PXDN: variants seen among roughly 807,000 people sequenced by gnomAD.
PXDN encodes the protein peroxidasin homolog.
A neutral mutation model predicts 140.3 loss-of-function variants in PXDN; 77 were observed. The observed-to-expected ratio is 0.55, with a 90% CI of 0.46 to 0.66. The LOEUF is 0.66. Among genes scored for constraint, PXDN ranks in the 30% least tolerant of loss-of-function variants. PXDN has a pLI of 0.00. For missense variants in PXDN, 1,838 were observed against 2,039.5 expected, an observed-to-expected ratio of 0.90 and a Z score of 1.90; for synonymous variants, 911 against 857.4, an observed-to-expected ratio of 1.06 and a Z score of -1.09.
intron 7 of PXDN, among the ~76,000 whole-genome samples, chr2:1,678,617 C>G (rs922940903): frequency 1.3e-5 from 2 of 152,206 alleles, no homozygotes; most frequent in Non-Finnish European, 2.9e-5. Context: ...CCCATAGGAG[C>G]ATCAGCGAAA....
At chr2:1,653,044 CAAT>C (rs1683050401) in intron 16 of PXDN, 1 of 191,984 alleles carries the variant, frequency 5.2e-6, no homozygotes, top group Non-Finnish European at 1.1e-5. Context: ...ATGGGTTCAT[CAAT>C]AGTACTACTA....
chr2:1,711,755 TC>T (rs1684792928), intron 1 of PXDN, among the ~76,000 whole-genome samples: 1 of 152,230 alleles, frequency 6.6e-6, no homozygotes, highest in Non-Finnish European at 1.5e-5. Flanking sequence ...GTGGAGGCTC[TC>T]TGGTGGTGAT....
chr2:1,660,725 A>G lies in PXDN; in HGVS notation c.1837+156T>C, dbSNP rs143573706. Among the ~76,000 whole-genome samples the G allele has an allele frequency of 4.6e-5, 7 of 152,284 alleles. No individual in the cohort carries two copies. The highest frequency in any genetic ancestry group is 6.5e-5 in the Admixed American group (1 of 15,300). ...GGAGGGGCTGTCGAGCAGCCCGGCCATGCATCAGGAGAGTGTCCCCACCTG... is the reference window on the plus strand; with the variant it reads ...GGAGGGGCTGTCGAGCAGCCCGGCCGTGCATCAGGAGAGTGTCCCCACCTG... On this transcript the variant is annotated intron_variant, in intron 14 of 22. Coordinates refer to ENST00000252804, the MANE Select transcript of PXDN (RefSeq NM_012293.3). The surrounding 1 kb of genome is among the most constrained non-coding windows in gnomAD (Gnocchi z 4.6).
At position 1,649,123 on chromosome 2, in the gene PXDN, C is replaced by T. The variant is rs1352900176; in HGVS notation, c.2657G>A (p.Gly886Asp). The change falls in exon 17 of 23, where the codon GGC (glycine) becomes GAC (aspartate). Residue 886 changes from glycine to aspartate, a missense_variant. Gly to Asp is a moderately conservative substitution (Grantham distance 94). This residue lies in a region of PXDN where 850 missense variants were observed against 894.1 expected (regional missense o/e 0.95). Coordinates refer to ENST00000252804, the MANE Select transcript of PXDN (RefSeq NM_012293.3). This position sits in a 1 kb window ranked among gnomAD's most constrained non-coding sequence, Gnocchi z 7.1. The stretch of plus-strand genomic sequence containing the variant: ...CATGAGCAGCGAAGTCATGCCGCTG[C>T]CGCACACAGGGCTGGAGCGCACGAA... ...MFFVRSSPVC[G>D]SGMTSLLMNS... 1.2e-6 allele frequency: 2 copies of T among 1,612,792 alleles called. No homozygotes were observed. The highest frequency in any genetic ancestry group is 1.7e-6 in the Non-Finnish European group (2 of 1,179,862).
intron 19 of PXDN, among the ~76,000 whole-genome samples, chr2:1,640,136 T>C (rs969794026): frequency 2.7e-5 from 4 of 149,296 alleles, no homozygotes; most frequent in East Asian, 4.1e-4. Context: ...CCCGGGTGAG[T>C]GAGGGGCCCT....
In PXDN at chr2:1,644,768, A is replaced by G. The variant is rs766985964; in HGVS notation, c.3609-16T>C. 3 of 1,492,894 alleles carry G rather than the reference A, an allele frequency of 2.0e-6. No individual in the cohort carries two copies. The highest frequency in any genetic ancestry group is 2.2e-5 in the Admixed American group (1 of 46,232). The allele number at this position is 1,492,894 out of a possible 1,614,324, so 92.5% of individuals were successfully genotyped here. A position where few individuals can be genotyped will look rare whatever the true frequency, so the allele number is the denominator to read the frequency against. ...GCCATACAACCTAAAAAATAAAGAG[A>G]AAACTGAAATCTACCTAACAAAGCT... On this transcript the variant is annotated splice_polypyrimidine_tract_variant and intron_variant, in intron 17 of 22. Coordinates refer to ENST00000252804, the MANE Select transcript of PXDN (RefSeq NM_012293.3).
chr2:1,656,249 T>C (rs1683131250), intron 14 of PXDN, among the ~76,000 whole-genome samples: 1 of 152,200 alleles, frequency 6.6e-6, no homozygotes, highest in African/African-American at 2.4e-5. Flanking sequence ...TCTTTTCTGC[T>C]TAATAGTAAG....
rs1682956441 is a variant in PXDN at position 1,649,406 on chromosome 2, G to A, written c.2374C>T (p.Leu792Phe). 1.9e-6 allele frequency: 3 copies of A among 1,613,884 alleles called. No individual in the cohort carries two copies. The highest frequency in any genetic ancestry group is 1.1e-5 in the South Asian group (1 of 91,086). ...NPHRLYNGHA[L>F]PMPRLVSTTL... is the part of the protein sequence containing the mutation. Reference sequence around the variant, plus strand: ...GTGGACACCAGGCGCGGCATGGGAAGGGCGTGCCCGTTGTACAGTCGGTGG... The same window carrying A: ...GTGGACACCAGGCGCGGCATGGGAAAGGCGTGCCCGTTGTACAGTCGGTGG... The change falls in exon 17 of 23, where the codon CTT becomes TTT. Residue 792 changes from leucine (L) to phenylalanine (F), a missense_variant. Physicochemically the swap from Leu to Phe is conservative, Grantham distance 22. Coordinates refer to ENST00000252804, the MANE Select transcript of PXDN (RefSeq NM_012293.3). The surrounding 1 kb of genome is among the most constrained non-coding windows in gnomAD (Gnocchi z 7.1).
chr2:1,670,038 C>G (rs113373320), intron 9 of PXDN, among the ~76,000 whole-genome samples: 265 of 152,206 alleles, frequency 1.7e-3, no homozygotes, highest in African/African-American at 6.0e-3. Flanking sequence ...AATATCCATA[C>G]AGTTTGCTAT....
chr2:1,663,870 G>T, intron 11 of PXDN, 107 bp from the exon 12 acceptor site: 1 of 1,444,722 alleles, frequency 6.9e-7, no homozygotes, highest in East Asian at 2.3e-5. Context: ...GGGTCGGGGC[G>T]CCGGATAATT....
At chr2:1,701,103 G>A (rs142143128) in intron 1 of PXDN, among the ~76,000 whole-genome samples, 28 of 152,306 alleles carry the variant, frequency 1.8e-4, no homozygotes, top group South Asian at 8.3e-4. Context: ...GGAGGCTGGG[G>A]GAGTTTGAAA....
At chr2:1,690,857 G>C (rs921688403) in intron 3 of PXDN, among the ~76,000 whole-genome samples, 1 of 152,140 alleles carries the variant, frequency 6.6e-6, no homozygotes, top group African/African-American at 2.4e-5. Context: ...AGAGTTAAAG[G>C]TAGCTCTGTA....
At chr2:1,712,488 G>A (rs1684806436) in intron 1 of PXDN, among the ~76,000 whole-genome samples, 2 of 152,188 alleles carry the variant, frequency 1.3e-5, no homozygotes, top group South Asian at 2.1e-4. Context: ...GAAATGTCAG[G>A]AGCCTGGTTC....
At chr2:1,655,991 A>G (rs544810243) in intron 14 of PXDN, among the ~76,000 whole-genome samples, 1 of 151,916 alleles carries the variant, frequency 6.6e-6, no homozygotes, top group Admixed American at 6.6e-5. Flanking sequence ...CCCATCAAAC[A>G]TATAGATACA....
Position 1,680,211 on chromosome 2 carries a change from G to C in PXDN, c.712C>G (p.Pro238Ala). 6.3e-7 allele frequency: 1 copy of C among 1,585,204 alleles called. No individual in the cohort carries two copies. Among genetic ancestry groups the C allele is most frequent in the Non-Finnish European group, 8.6e-7 (1 of 1,165,806 alleles). Residue 238 changes from proline to alanine, a missense_variant, in exon 7 of 23, where the codon CCG becomes GCG. Transcript: ENST00000252804. ...CACTCACCACAGTTCAGCTCTTCCG[G>C]GGTGATGGTTGCCACTGAGCGTCCC... ...IQGRSVATITPEELNCERPRI... is the reference protein window; with the variant it reads ...IQGRSVATITAEELNCERPRI...
At chr2:1,741,865 C>A (rs566761904) in intron 1 of PXDN, among the ~76,000 whole-genome samples, 1 of 152,284 alleles carries the variant, frequency 6.6e-6, no homozygotes, top group East Asian at 1.9e-4. Context: ...TCACGTGTAG[C>A]ATGTATCATG....
intron 21 of PXDN, chr2:1,635,889 C>T (rs753461643): frequency 2.3e-5 from 8 of 347,562 alleles, no homozygotes; most frequent in Middle Eastern, 2.1e-3. Flanking sequence ...CCTTATTTTC[C>T]GAGTAACAAC....
rs1682676514 is a variant in PXDN at position 1,639,958 on chromosome 2, G to A, written c.3953-536C>T. Among the ~76,000 whole-genome samples, 1 of 152,212 alleles carries A rather than the reference G, an allele frequency of 6.6e-6. No homozygotes were observed. Among genetic ancestry groups the A allele is most frequent in the South Asian group, 2.1e-4 (1 of 4,834 alleles). ...GGAGTGGCTTCCTTCTCAACCTGTG[G>A]TGGACTGAGAAGCCCTCAGTGCTAT... On this transcript the variant is annotated intron_variant, in intron 19 of 22. Transcript: ENST00000252804. The surrounding 1 kb of genome is among the most constrained non-coding windows in gnomAD (Gnocchi z 5.0).
intron 16 of PXDN, 39 bp downstream of exon 16, chr2:1,653,589 T>A: frequency 6.2e-7 from 1 of 1,606,880 alleles, no homozygotes; most frequent in Non-Finnish European, 8.5e-7. Context: ...ACCCCGTTAC[T>A]CAGGCCATGG....
Sources: allele counts gnomAD v4.1 joint callset (sites outside exome capture counted in the v4.1 genomes callset), GRCh38; gene constraint gnomAD v4.1.1; regional missense constraint gnomAD v4.1.1; non-coding constraint Gnocchi (gnomAD v3.1); transcripts MANE v1.5; gene names NCBI Gene and HGNC (gene_info 2026-07-23, HGNC 2026-07-21).